Variants in PLPPR1 observed in about 807,000 individuals in gnomAD.
The protein encoded by PLPPR1 is phospholipid phosphatase related 1, also known as phospholipid phosphatase-related protein type 1.
In PLPPR1, 10 loss-of-function variants were observed where a neutral mutation model predicts 33.1. That is an observed-to-expected ratio of 0.30 (90% CI 0.19 to 0.51). The LOEUF is 0.51. Among genes scored for constraint, PLPPR1 ranks in the 20% least tolerant of loss-of-function variants. PLPPR1 has a pLI of 0.97. For synonymous variants in PLPPR1, 151 were observed against 151.0 expected (o/e 1.00, Z 0.00); for missense variants, 304 against 408.1 (o/e 0.74, Z 2.20).
chr9:101,313,214 C>T (rs1460669297), intron 6 of PLPPR1, among the ~76,000 whole-genome samples: 1 of 152,170 alleles, frequency 6.6e-6, no homozygotes, highest in Non-Finnish European at 1.5e-5. Context: ...CCTAGAAGTA[C>T]AGCTGGCTCT....
intron 4 of PLPPR1, among the ~76,000 whole-genome samples, chr9:101,306,934 A>C (rs985867527): frequency 2.0e-5 from 3 of 152,228 alleles, no homozygotes; most frequent in Admixed American, 1.3e-4. Flanking sequence ...AGATGGCTTG[A>C]GTTCCTTTGG....
chr9:101,172,969 A>G (rs1305403530), intron 1 of PLPPR1, among the ~76,000 whole-genome samples: 7 of 152,064 alleles, frequency 4.6e-5, no homozygotes, highest in Non-Finnish European at 1.0e-4. Flanking sequence ...TTCAGGCATG[A>G]AATCCTACTT....
At chr9:101,183,332 G>GA (rs1387287237) in intron 1 of PLPPR1, among the ~76,000 whole-genome samples, 1 of 151,652 alleles carries the variant, frequency 6.6e-6, no homozygotes, top group Non-Finnish European at 1.5e-5. Context: ...CAGTTAAAAG[G>GA]AAAAAAATTA....
chr9:101,272,371 AT>A (rs1411794659), intron 3 of PLPPR1, among the ~76,000 whole-genome samples: 3 of 152,206 alleles, frequency 2.0e-5, no homozygotes, highest in African/African-American at 7.2e-5. Flanking sequence ...TTCCGTGCAT[AT>A]TACAAACAAG....
intron 1 of PLPPR1, among the ~76,000 whole-genome samples, chr9:101,048,020 A>G (rs1830174807): frequency 6.6e-6 from 1 of 152,190 alleles, no homozygotes; most frequent in Non-Finnish European, 1.5e-5. Context: ...GGTGGACCCC[A>G]GCCTAGTATA....
At chr9:101,276,339 T>A (rs966480595) in intron 3 of PLPPR1, among the ~76,000 whole-genome samples, 6 of 152,214 alleles carry the variant, frequency 3.9e-5, no homozygotes, top group Admixed American at 6.5e-5. Context: ...GTGGATTTTT[T>A]AAAAAACTTA....
At chr9:101,132,733 T>C (rs932943064) in intron 1 of PLPPR1, among the ~76,000 whole-genome samples, 1 of 152,202 alleles carries the variant, frequency 6.6e-6, no homozygotes, top group African/African-American at 2.4e-5. Flanking sequence ...ATATTGTTAC[T>C]GGGGAAGGCT....
intron 3 of PLPPR1, among the ~76,000 whole-genome samples, chr9:101,277,970 G>T (rs937859845): frequency 1.3e-5 from 2 of 152,002 alleles, no homozygotes; most frequent in African/African-American, 4.8e-5. Context: ...GTTTCCATTA[G>T]TTACCCAAAA....
intron 2 of PLPPR1, among the ~76,000 whole-genome samples, chr9:101,248,760 G>A (rs1448633737): frequency 2.0e-5 from 3 of 151,974 alleles, no homozygotes; most frequent in Non-Finnish European, 4.4e-5. Flanking sequence ...AGAAAACAAC[G>A]AAAATACTGT....
chr9:101,286,659 GC>G (rs1033245601), intron 4 of PLPPR1, among the ~76,000 whole-genome samples: 2 of 152,142 alleles, frequency 1.3e-5, no homozygotes, highest in African/African-American at 4.8e-5. Flanking sequence ...GGAAATCTCA[GC>G]CATCAGGTTC....
At chr9:101,129,787 C>G (rs547596738) in intron 1 of PLPPR1, among the ~76,000 whole-genome samples, 1 of 151,970 alleles carries the variant, frequency 6.6e-6, no homozygotes, top group Non-Finnish European at 1.5e-5. Flanking sequence ...GGCGAGATCA[C>G]GCCACTGCAC....
intron 3 of PLPPR1, among the ~76,000 whole-genome samples, chr9:101,274,488 A>G (rs1828153243): frequency 1.3e-5 from 2 of 152,220 alleles, no homozygotes; most frequent in Non-Finnish European, 2.9e-5. Context: ...TGATAGGTCA[A>G]TGGCAAAGAG....
chr9:101,286,495 T>C (rs1351678677), intron 4 of PLPPR1, among the ~76,000 whole-genome samples: 1 of 152,142 alleles, frequency 6.6e-6, no homozygotes, highest in Non-Finnish European at 1.5e-5. Flanking sequence ...TAATATTGGC[T>C]GGATATTGCT....
intron 1 of PLPPR1, among the ~76,000 whole-genome samples, chr9:101,172,218 C>T (rs1825953113): frequency 6.6e-6 from 1 of 152,006 alleles, no homozygotes; most frequent in African/African-American, 2.4e-5. Flanking sequence ...ATATTTGCTT[C>T]CAGGAGGCCC....
rs1332680951 is a variant in PLPPR1 at position 101,155,936 on chromosome 9, C to G, written c.-45-29514C>G. On this transcript the variant is annotated intron_variant, in intron 1 of 7. Coordinates refer to ENST00000374874, the MANE Select transcript of PLPPR1 (RefSeq NM_207299.2). Reference sequence around the variant, plus strand: ...TTCTAATACATAGATTTTGGGGACACATTCAAGCAAGAGCAAATATGAATA... The same window carrying G: ...TTCTAATACATAGATTTTGGGGACAGATTCAAGCAAGAGCAAATATGAATA... Among the ~76,000 whole-genome samples the G allele has an allele frequency of 1.4e-4, 21 of 152,268 alleles. No homozygotes were observed. In the East Asian group the frequency reaches 4.1e-3, roughly 29 times the overall value.
At chr9:101,208,106 T>C (rs1826622524) in intron 2 of PLPPR1, among the ~76,000 whole-genome samples, 1 of 152,190 alleles carries the variant, frequency 6.6e-6, no homozygotes, top group African/African-American at 2.4e-5. Flanking sequence ...GTTAGCCAAG[T>C]CTCACTACTA....
intron 1 of PLPPR1, among the ~76,000 whole-genome samples, chr9:101,169,292 A>G (rs914374777): frequency 6.6e-6 from 1 of 152,178 alleles, no homozygotes; most frequent in Non-Finnish European, 1.5e-5. Flanking sequence ...TGAAGGAAAC[A>G]TTAACTCACT....
intron 1 of PLPPR1, among the ~76,000 whole-genome samples, chr9:101,118,321 A>T (rs1831139361): frequency 6.6e-6 from 1 of 152,200 alleles, no homozygotes; most frequent in African/African-American, 2.4e-5. Context: ...TAAATATCCA[A>T]GGGAGAGAAT....
rs139817970 is a variant in PLPPR1, at chr9:101,178,736, G to A, written c.-45-6714G>A. On this transcript the variant is annotated intron_variant, in intron 1 of 7. Transcript: ENST00000374874. ...ACTTTGCAGGGCTGGGGCAGAGTTC[G>A]CCAGAAGGCCATGTATGCTCCGAAT... Among the ~76,000 whole-genome samples, 257 of 152,212 alleles carry A rather than the reference G, an allele frequency of 1.7e-3. 1 individual carries two copies. Among genetic ancestry groups the A allele is most frequent in the African/African-American group, 5.8e-3 (241 of 41,552 alleles).
Sources: gnomAD v4.1 joint callset for allele counts (sites outside exome capture counted in the v4.1 genomes callset) on GRCh38, gnomAD v4.1.1 for gene constraint, MANE v1.5 for transcripts, NCBI Gene and HGNC (gene_info 2026-07-23, HGNC 2026-07-21) for gene names.